CHST15: variants seen among roughly 807,000 people sequenced by gnomAD.
CHST15 encodes B cell RAG associated protein (GALNAC4S-6ST).
A neutral mutation model predicts 53.6 loss-of-function variants in CHST15; 30 were observed. The observed-to-expected ratio is 0.56, with a 90% CI of 0.42 to 0.76. The LOEUF is 0.76. Ranked by LOEUF, CHST15 falls within the 30% of genes least tolerant of loss-of-function variation. CHST15 has a pLI of 0.00. For synonymous variants in CHST15, 296 were observed against 289.8 expected, an observed-to-expected ratio of 1.02 and a Z score of -0.22; for missense variants, 627 against 740.5, an observed-to-expected ratio of 0.85 and a Z score of 1.78.
chr10:124,025,038 C>A (rs558679641), intron 5 of CHST15, among the ~76,000 whole-genome samples: 1 of 152,350 alleles, frequency 6.6e-6, no homozygotes, highest in South Asian at 2.1e-4. Context: ...AATTACCTCA[C>A]ACAAACCCAA....
At chr10:124,081,809 A>G (rs1349061958) in intron 1 of CHST15, among the ~76,000 whole-genome samples, 2 of 152,114 alleles carry the variant, frequency 1.3e-5, no homozygotes, top group Non-Finnish European at 2.9e-5. Flanking sequence ...TGGTCTCCAC[A>G]TATTTCTTTC....
At chr10:124,075,548 C>G (rs986183017) in intron 1 of CHST15, among the ~76,000 whole-genome samples, 21 of 152,150 alleles carry the variant, frequency 1.4e-4, no homozygotes, top group African/African-American at 4.3e-4. Context: ...GTCTCTCCCC[C>G]AAGACGCTGC....
At chr10:124,015,931 G>C (rs931471595) in intron 6 of CHST15, among the ~76,000 whole-genome samples, 15 of 152,336 alleles carry the variant, frequency 9.8e-5, no homozygotes, top group Non-Finnish European at 2.2e-4. Context: ...ACGAGCCCTG[G>C]TGGCTCTCCA....
At chr10:124,031,595 C>T (rs1257226169) in intron 5 of CHST15, among the ~76,000 whole-genome samples, 2 of 152,124 alleles carry the variant, frequency 1.3e-5, no homozygotes, top group African/African-American at 2.4e-5. Context: ...ATATGGGGTC[C>T]ACTGTTGACC....
At position 124,033,190 on chromosome 10, in the gene CHST15, G is replaced by A. The variant is rs113878979; in HGVS notation, c.1190+5325C>T. Among the ~76,000 whole-genome samples the A allele has an allele frequency of 8.2e-3, 1,243 of 152,338 alleles. 19 individuals are homozygous for A. Among genetic ancestry groups the A allele is most frequent in the African/African-American group, 0.028 (1,163 of 41,578 alleles). ...ATCCTTTCTGGCTGAGATGGGAAACGCGCCAACCATTTCAGACAGGCCATG... is the reference window on the plus strand; with the variant it reads ...ATCCTTTCTGGCTGAGATGGGAAACACGCCAACCATTTCAGACAGGCCATG... On this transcript the variant is annotated intron_variant, in intron 5 of 7. Transcript: ENST00000435907.
chr10:124,086,081 T>G (rs1003518394), intron 1 of CHST15, among the ~76,000 whole-genome samples: 2 of 152,220 alleles, frequency 1.3e-5, no homozygotes, highest in Admixed American at 1.3e-4. Flanking sequence ...CAGCTCCCTG[T>G]GAATTGCGTT....
rs372284769 is a variant in CHST15, at chr10:124,063,180, T to C, written c.-512-16456A>G. 2.3e-4 allele frequency among the ~76,000 whole-genome samples: 35 copies of C among 152,188 alleles called. 1 individual carries two copies. The East Asian group carries it at 3.7e-3, about 16-fold the overall frequency. Reference sequence around the variant, plus strand: ...GGTGGATCACCTGAGATCAGCAGTTTGAGACCAGCCTGACCAACATGGTGA... The same window carrying C: ...GGTGGATCACCTGAGATCAGCAGTTCGAGACCAGCCTGACCAACATGGTGA... On this transcript the variant is annotated intron_variant, in intron 1 of 7. Coordinates refer to ENST00000435907, the MANE Select transcript of CHST15 (RefSeq NM_001270764.2).
At chr10:124,030,008 A>G (rs554717453) in intron 5 of CHST15, among the ~76,000 whole-genome samples, 1 of 152,216 alleles carries the variant, frequency 6.6e-6, no homozygotes, top group South Asian at 2.1e-4. Context: ...CGTCCTTTCC[A>G]AACAATCATG....
chr10:124,078,074 T>A (rs1475864942), intron 1 of CHST15, among the ~76,000 whole-genome samples: 1 of 152,226 alleles, frequency 6.6e-6, no homozygotes, highest in Non-Finnish European at 1.5e-5. Flanking sequence ...AGAATTGTTT[T>A]CACCAATAAA....
chr10:124,086,544 C>T (rs1172376279), intron 1 of CHST15, among the ~76,000 whole-genome samples: 1 of 152,192 alleles, frequency 6.6e-6, no homozygotes, highest in Non-Finnish European at 1.5e-5. Context: ...ATGGGGTGGG[C>T]GGGTCTGCCT....
At chr10:124,051,017 C>T (rs1948174683) in intron 1 of CHST15, among the ~76,000 whole-genome samples, 1 of 152,132 alleles carries the variant, frequency 6.6e-6, no homozygotes, top group Non-Finnish European at 1.5e-5. Flanking sequence ...GATCTTGGCT[C>T]ACTGCAACCT....
rs143285080 is a variant in CHST15, at chr10:124,010,975, T to C, written c.1496-636A>G. 31 of 985,120 alleles carry C rather than the reference T, an allele frequency of 3.1e-5. No homozygotes were observed. In the East Asian group the frequency reaches 2.8e-3, roughly 90 times the overall value. 61.0% of individuals were successfully genotyped at this position (985,120 alleles called of 1,614,324 possible). ...TCAGTCACCCCCACGCCCCGCCCTC[T>C]GGAGTGAGGCGAGGCCCTGGAACAG... On this transcript the variant is annotated intron_variant, in intron 7 of 7. Transcript: ENST00000435907.
At position 124,074,993 on chromosome 10, in the gene CHST15, C is replaced by G. The variant is rs61863979; in HGVS notation, c.-513+18476G>C. Among the ~76,000 whole-genome samples, 3,986 of 152,284 alleles carry G rather than the reference C, an allele frequency of 0.026. 105 individuals carry two copies. Among genetic ancestry groups the G allele is most frequent in the Non-Finnish European group, 0.036 (2,418 of 68,014 alleles). Reference sequence around the variant, plus strand: ...TTCCTCTTTTCATGTTTCTGTTTCTCTTTTGTGTATCAAGATTTTTCCCCT... The same window carrying G: ...TTCCTCTTTTCATGTTTCTGTTTCTGTTTTGTGTATCAAGATTTTTCCCCT... On this transcript the variant is annotated intron_variant, in intron 1 of 7. Coordinates refer to ENST00000435907, the MANE Select transcript of CHST15 (RefSeq NM_001270764.2). This position sits in a 1 kb window ranked among gnomAD's most constrained non-coding sequence, Gnocchi z 4.4.
intron 1 of CHST15, among the ~76,000 whole-genome samples, chr10:124,088,395 G>A (rs1365113613): frequency 6.6e-6 from 1 of 152,242 alleles, no homozygotes; most frequent in Non-Finnish European, 1.5e-5. Flanking sequence ...CAGGGTTGCA[G>A]GGCAGAAACG....
chr10:124,047,349 TTTAAG>T (rs1948038655), intron 1 of CHST15, among the ~76,000 whole-genome samples: 1 of 152,250 alleles, frequency 6.6e-6, no homozygotes, highest in African/African-American at 2.4e-5. Flanking sequence ...ACTACTTGAC[TTTAAG>T]TTATTAAGCA....
Position 124,009,339 on chromosome 10 carries a change from G to T in CHST15, c.*810C>A. 1 of 1,032,090 alleles carries T rather than the reference G, an allele frequency of 9.7e-7. No individual in the cohort carries two copies. The allele number at this position is 1,032,090 out of a possible 1,614,324, so 63.9% of individuals were successfully genotyped here. A position where few individuals can be genotyped will look rare whatever the true frequency, so the allele number is the denominator to read the frequency against. On this transcript the variant is annotated 3_prime_UTR_variant, in exon 8 of 8. Transcript: ENST00000435907. ...TGAAGAGGCAGCAGAGAGAGAGCCAGGACTGGTTAAATGCAGAAAGTGGTT... is the reference window on the plus strand; with the variant it reads ...TGAAGAGGCAGCAGAGAGAGAGCCATGACTGGTTAAATGCAGAAAGTGGTT...
At chr10:124,017,242 C>T (rs78574470) in intron 6 of CHST15, among the ~76,000 whole-genome samples, 3,074 of 152,238 alleles carry the variant, frequency 0.02, 103 homozygotes, top group African/African-American at 0.07. Flanking sequence ...CCGCTTCCTC[C>T]TAGGAGTCCC....
intron 1 of CHST15, among the ~76,000 whole-genome samples, chr10:124,066,359 G>T (rs1268687834): frequency 6.6e-6 from 1 of 151,960 alleles, no homozygotes; most frequent in Non-Finnish European, 1.5e-5. Context: ...CGAACCCAGG[G>T]CTGTCTCTCT....
At chr10:124,062,427 C>T (rs1948607367) in intron 1 of CHST15, among the ~76,000 whole-genome samples, 1 of 152,176 alleles carries the variant, frequency 6.6e-6, no homozygotes, top group South Asian at 2.1e-4. Flanking sequence ...TTTGTATCAA[C>T]CCCTTACCGG....
Sources: gnomAD v4.1 joint callset for allele counts (sites outside exome capture counted in the v4.1 genomes callset) on GRCh38, gnomAD v4.1.1 for gene constraint, Gnocchi (gnomAD v3.1) non-coding constraint, MANE v1.5 for transcripts, NCBI Gene and HGNC (gene_info 2026-07-23, HGNC 2026-07-21) for gene names.